SOX5: variants seen among roughly 807,000 people sequenced by gnomAD.
The protein encoded by SOX5 is transcription factor SOX-5.
In SOX5, 9 loss-of-function variants were observed where a neutral mutation model predicts 92.0. That is an observed-to-expected ratio of 0.10 (90% CI 0.06 to 0.17). The LOEUF (loss-of-function observed/expected upper bound fraction) is 0.17, where lower values mean the gene tolerates loss of function less well. Ranked by LOEUF, SOX5 falls within the 10% of genes least tolerant of loss-of-function variation. The probability of loss-of-function intolerance (pLI) is 1.00; values close to 1 mark genes in which losing one functional copy is unlikely to be tolerated. For missense variants in SOX5, 642 were observed against 944.5 expected, an observed-to-expected ratio of 0.68 and a Z score of 4.20; for synonymous variants, 344 against 336.3, an observed-to-expected ratio of 1.02 and a Z score of -0.25.
intron 4 of SOX5, among the ~76,000 whole-genome samples, chr12:24,110,900 C>CAAAAAAAAA (rs67100585): frequency 3.6e-5 from 1 of 27,586 alleles, no homozygotes; most frequent in Admixed American, 5.5e-4. Flanking sequence ...GACTCCACTT[C>CAAAAAAAAA]AAAAAAAAAA....
At chr12:23,680,219 G>A (rs1018145189) in intron 6 of SOX5, among the ~76,000 whole-genome samples, 2 of 151,048 alleles carry the variant, frequency 1.3e-5, no homozygotes, top group Admixed American at 1.3e-4. Flanking sequence ...CCAGCTACTT[G>A]GGAGGCTGAG....
At chr12:23,743,869 G>T (rs905055657) in intron 4 of SOX5, among the ~76,000 whole-genome samples, 1 of 151,826 alleles carries the variant, frequency 6.6e-6, no homozygotes, top group Non-Finnish European at 1.5e-5. Context: ...GCTGTTCAAG[G>T]GTCAACTGTA....
Position 23,824,125 on chromosome 12 carries a change from T to C in SOX5, c.481+21858A>G, listed in dbSNP as rs1035719758. Among the ~76,000 whole-genome samples the C allele has an allele frequency of 1.3e-4, 20 of 152,236 alleles. 1 individual carries two copies. The highest frequency in any genetic ancestry group is 4.8e-4 in the African/African-American group (20 of 41,452). ...TCTGAAGCCTACTTCTGTCAATTCA[T>C]CAAATTCATTCTCCATCCAGTTTTG... is the stretch of plus-strand genomic sequence containing the variant. On this transcript the variant is annotated intron_variant, in intron 3 of 14. Transcript: ENST00000451604.
chr12:24,308,076 C>T (rs968667570), intron 2 of SOX5, among the ~76,000 whole-genome samples: 1 of 151,252 alleles, frequency 6.6e-6, no homozygotes, highest in African/African-American at 2.4e-5. Context: ...AAGATCTCTG[C>T]AGTTAGGTGA....
At chr12:24,148,688 TAAAAAAAA>T (rs398018872) in intron 4 of SOX5, among the ~76,000 whole-genome samples, 9 of 70,924 alleles carry the variant, frequency 1.3e-4, no homozygotes, top group South Asian at 5.7e-4. Context: ...CCATCTCTAC[TAAAAAAAA>T]AAAAAAAAAA....
At chr12:24,169,644 G>T (rs1953842276) in intron 4 of SOX5, among the ~76,000 whole-genome samples, 1 of 152,194 alleles carries the variant, frequency 6.6e-6, no homozygotes, top group Non-Finnish European at 1.5e-5. Flanking sequence ...GCTAAAGATA[G>T]AAAATTAGAC....
chr12:23,928,555 T>C lies in SOX5; in HGVS notation c.38+21009A>G, dbSNP rs891461271. On this transcript the variant is annotated intron_variant, in intron 1 of 14. Coordinates refer to ENST00000451604, the MANE Select transcript of SOX5 (RefSeq NM_006940.6). ...GAAATACATAAACTATAGAAAATTATAAATTTATTTATTTTTAAACAATAA... is the reference window on the plus strand; with the variant it reads ...GAAATACATAAACTATAGAAAATTACAAATTTATTTATTTTTAAACAATAA... Among the ~76,000 whole-genome samples, 5 of 151,940 alleles carry C rather than the reference T, an allele frequency of 3.3e-5. No homozygotes were observed. In the South Asian group the frequency reaches 8.3e-4, roughly 25 times the overall value.
chr12:24,354,274 CA>C lies in SOX5; in HGVS notation c.-174+14288del, dbSNP rs561332256. Reference sequence around the variant, plus strand: ...AATCTCCTAGCAGAAAACAAACAAACAAAAAACAAAACAAAAAAATCCCTCA... The same window carrying C: ...AATCTCCTAGCAGAAAACAAACAAACAAAAACAAAACAAAAAAATCCCTCA... On this transcript the variant is annotated intron_variant, in intron 2 of 4. Coordinates refer to the SOX5 transcript ENST00000446891. Among the ~76,000 whole-genome samples, 204 of 152,268 alleles carry C rather than the reference CA, an allele frequency of 1.3e-3. 2 individuals carry two copies. Among genetic ancestry groups the C allele is most frequent in the African/African-American group, 4.7e-3 (196 of 41,554 alleles).
chr12:24,195,672 C>T (rs1471912420), intron 4 of SOX5, among the ~76,000 whole-genome samples: 1 of 152,030 alleles, frequency 6.6e-6, no homozygotes, highest in Non-Finnish European at 1.5e-5. Context: ...TATGCTGATT[C>T]CCCCCGCTCT....
chr12:24,061,984 A>G (rs190130758), intron 4 of SOX5, among the ~76,000 whole-genome samples: 2 of 152,050 alleles, frequency 1.3e-5, no homozygotes, highest in African/African-American at 2.4e-5. Context: ...GCCATTTGAG[A>G]GAGGAAAAAA....
chr12:24,439,737 G>GA (rs1464443037), intron 1 of SOX5, among the ~76,000 whole-genome samples: 1 of 151,484 alleles, frequency 6.6e-6, no homozygotes, highest in African/African-American at 2.4e-5. Flanking sequence ...TACTAAAAAT[G>GA]AAAAAAAATT....
intron 4 of SOX5, among the ~76,000 whole-genome samples, chr12:24,073,708 A>G (rs1308475866): frequency 6.6e-6 from 1 of 152,258 alleles, no homozygotes; most frequent in African/African-American, 2.4e-5. Flanking sequence ...ATTAGAAACT[A>G]GAATTTTTCA....
At chr12:24,497,060 A>G (rs1398643656) in intron 1 of SOX5, among the ~76,000 whole-genome samples, 1 of 152,228 alleles carries the variant, frequency 6.6e-6, no homozygotes, top group Non-Finnish European at 1.5e-5. Context: ...CTGAATGATG[A>G]GGCTGCAAGG....
At chr12:24,034,442 T>A (rs1955817818) in intron 4 of SOX5, among the ~76,000 whole-genome samples, 1 of 151,962 alleles carries the variant, frequency 6.6e-6, no homozygotes, top group Non-Finnish European at 1.5e-5. Flanking sequence ...CCGACTGCCG[T>A]GCAGCTTTCC....
Position 23,545,153 on chromosome 12 carries a change from T to C in SOX5, c.1597+1163A>G, listed in dbSNP as rs185443288. On this transcript the variant is annotated intron_variant, in intron 12 of 14. Transcript: ENST00000451604. ...ATTAGTATAGACCTGGTCTTAAAAG[T>C]AGAATTGGCCCAAGGCACAGAGTAA... is the stretch of plus-strand genomic sequence containing the variant. Among the ~76,000 whole-genome samples the C allele has an allele frequency of 2.8e-3, 419 of 152,274 alleles. 3 individuals carry two copies. The highest frequency in any genetic ancestry group is 9.8e-3 in the African/African-American group (407 of 41,546).
chr12:24,206,650 G>C (rs1017091996), intron 4 of SOX5, among the ~76,000 whole-genome samples: 7 of 151,842 alleles, frequency 4.6e-5, no homozygotes, highest in Non-Finnish European at 7.4e-5. Context: ...GAATTATTTG[G>C]TAAGCTTCTG....
chr12:23,653,512 C>G (rs1202274854), intron 7 of SOX5, among the ~76,000 whole-genome samples: 1 of 152,064 alleles, frequency 6.6e-6, no homozygotes, highest in Non-Finnish European at 1.5e-5. Flanking sequence ...TATCCTTATT[C>G]TGTCTGTTCG....
chr12:24,438,308 C>T (rs867580023), intron 1 of SOX5, among the ~76,000 whole-genome samples: 7 of 151,998 alleles, frequency 4.6e-5, no homozygotes, highest in Non-Finnish European at 8.8e-5. Context: ...GGAGGGATAG[C>T]GTTAGGAGAA....
chr12:23,999,650 T>C (rs566091891), intron 4 of SOX5, among the ~76,000 whole-genome samples: 1 of 152,182 alleles, frequency 6.6e-6, no homozygotes, highest in South Asian at 2.1e-4. Flanking sequence ...TTTAAAAAAG[T>C]CTTTTACTTT....
Sources: allele counts gnomAD v4.1 joint callset (sites outside exome capture counted in the v4.1 genomes callset), GRCh38; gene constraint gnomAD v4.1.1; transcripts MANE v1.5; gene names NCBI Gene and HGNC (gene_info 2026-07-23, HGNC 2026-07-21).